AMPD2: variants seen among roughly 807,000 people sequenced by gnomAD.
AMPD2 encodes adenosine monophosphate deaminase 2, also known as AMP deaminase 2.
AMPD2 carries 52 observed loss-of-function variants against 91.3 expected under a neutral mutation model. The ratio of observed to expected loss-of-function variants is 0.57; its 90% CI spans 0.46 to 0.72. The LOEUF is 0.72. Ranked by LOEUF, AMPD2 falls within the 30% of genes least tolerant of loss-of-function variation. The pLI is 0.00. For missense variants in AMPD2, 822 were observed against 1,122.3 expected (o/e 0.73, Z 3.82); for synonymous variants, 455 against 456.4 (o/e 1.00, Z 0.04).
chr1:109,626,966 C>G lies in AMPD2; in HGVS notation c.718+54C>G, dbSNP rs552735017. ...ATGTGCCCTAGCCTCCTGGGCTTCT[C>G]AGCCTGGTGCCTGGGCACCTCTGCC... is the stretch of plus-strand genomic sequence containing the variant. On this transcript the variant is annotated intron_variant, in intron 7 of 18. Transcript: ENST00000528667. 7 of 1,572,682 alleles carry G rather than the reference C, an allele frequency of 4.5e-6. No homozygotes were observed. The African/African-American group carries it at 9.4e-5, about 21-fold the overall frequency.
In AMPD2 at chr1:109,624,151, C is replaced by T; in HGVS notation, c.92-1152C>T. 1 of 880,290 alleles carries T rather than the reference C, an allele frequency of 1.1e-6. No homozygotes were observed. The highest frequency in any genetic ancestry group is 1.4e-6 in the Non-Finnish European group (1 of 733,810). 54.5% of individuals were successfully genotyped at this position (880,290 alleles called of 1,614,324 possible). On this transcript the variant is annotated intron_variant, in intron 2 of 18. Transcript: ENST00000528667. The surrounding 1 kb of genome is among the most constrained non-coding windows in gnomAD (Gnocchi z 5.2). ...GGGGTCCTGGATCTGGGGCAGGCCC[C>T]TCCCTCTTCCCTTTGTCCAGCTTTG...
Position 109,625,962 on chromosome 1 carries a change from T to G in AMPD2, c.353+170T>G, listed in dbSNP as rs1650643624. On this transcript the variant is annotated intron_variant, in intron 4 of 18. Coordinates refer to ENST00000528667, the MANE Select transcript of AMPD2 (RefSeq NM_001368809.2). The surrounding 1 kb of genome is among the most constrained non-coding windows in gnomAD (Gnocchi z 4.0). ...TTCTGTTCTGTCTTCTAGCCGCCGG[T>G]GTGGCTGGGTCATGTTGCTTAACTT... 1 of 1,200,300 alleles carries G rather than the reference T, an allele frequency of 8.3e-7. No individual in the cohort carries two copies. Among genetic ancestry groups the G allele is most frequent in the Non-Finnish European group, 1.2e-6 (1 of 854,638 alleles). 74.4% of individuals were successfully genotyped at this position (1,200,300 alleles called of 1,614,324 possible).
chr1:109,630,982 G>A lies in AMPD2; in HGVS notation c.2308G>A (p.Gly770Ser), dbSNP rs1651206953. 5 of 1,614,182 alleles carry A rather than the reference G, an allele frequency of 3.1e-6. No homozygotes were observed. Among genetic ancestry groups the A allele is most frequent in the Non-Finnish European group, 4.2e-6 (5 of 1,180,036 alleles). The stretch of plus-strand genomic sequence containing the variant: ...GCTGGGACCCAACTATACCAAGGAA[G>A]GCCCTGAGGGGAATGACATCCGCCG... ...HWLGPNYTKE[G>S]PEGNDIRRTN... Residue 770 changes from glycine (G) to serine (S), a missense_variant, in exon 19 of 19, where the codon GGC becomes AGC. Around this residue, in one of 5 missense-constraint regions of AMPD2, gnomAD observed 430 missense variants for 606.0 expected, o/e 0.71. Coordinates refer to ENST00000528667, the MANE Select transcript of AMPD2 (RefSeq NM_001368809.2).
Position 109,630,244 on chromosome 1 carries a change from G to C in AMPD2, c.1995G>C (p.Leu665=). 6.2e-7 allele frequency: 1 copy of C among 1,612,924 alleles called. No homozygotes were observed. Among genetic ancestry groups the C allele is most frequent in the Non-Finnish European group, 8.5e-7 (1 of 1,180,014 alleles). ...HGLLLRKAPV[L]QYLYYLAQIG... is the part of the protein sequence containing the mutation. The stretch of plus-strand genomic sequence containing the variant: ...TGTTGCCTGCCCAGGCCCCCGTCCT[G>C]CAGTACCTGTACTACCTGGCCCAGA... Residue 665 remains leucine, a synonymous_variant, in exon 17 of 19, where the codon CTG becomes CTC. Transcript: ENST00000528667.
In AMPD2 at chr1:109,631,182, C is replaced by T. The variant is rs781690365; in HGVS notation, c.*30C>T. 2 of 1,550,372 alleles carry T rather than the reference C, an allele frequency of 1.3e-6. No individual in the cohort carries two copies. The highest frequency in any genetic ancestry group is 1.7e-6 in the Non-Finnish European group (2 of 1,144,056). The stretch of plus-strand genomic sequence containing the variant: ...GGTCCATGAAGTGCCCACCACATCG[C>T]AGCACTTTTACCACGTTTTGTCCTC... On this transcript the variant is annotated 3_prime_UTR_variant, in exon 19 of 19. Coordinates refer to ENST00000528667, the MANE Select transcript of AMPD2 (RefSeq NM_001368809.2).
rs1650661776 is a variant in AMPD2, at chr1:109,626,149, C to G, written c.354-11C>G. The G allele has an allele frequency of 5.6e-6, 9 of 1,614,128 alleles. No individual in the cohort carries two copies. Among genetic ancestry groups the G allele is most frequent in the Non-Finnish European group, 5.9e-6 (7 of 1,180,014 alleles). On this transcript the variant is annotated splice_polypyrimidine_tract_variant and intron_variant, in intron 4 of 18. Transcript: ENST00000528667. Reference sequence around the variant, plus strand: ...GGGATCTGCCTGACTTCTCACCCCTCTTGCCTCTAGGCTGGAGCCAGACAT... The same window carrying G: ...GGGATCTGCCTGACTTCTCACCCCTGTTGCCTCTAGGCTGGAGCCAGACAT...
At position 109,624,444 on chromosome 1, in the gene AMPD2, C is replaced by T. The variant is rs749884581; in HGVS notation, c.92-859C>T. 6.6e-6 allele frequency among the ~76,000 whole-genome samples: 1 copy of T among 152,224 alleles called. No homozygotes were observed. Among genetic ancestry groups the T allele is most frequent in the African/African-American group, 2.4e-5 (1 of 41,460 alleles). ...CACGGCCCTCTGGTGCCAGCCTCCT[C>T]GTGGTACAGATGGAAAGTCTAGTCT... is the stretch of plus-strand genomic sequence containing the variant. On this transcript the variant is annotated intron_variant, in intron 2 of 18. Transcript: ENST00000528667. This position sits in a 1 kb window ranked among gnomAD's most constrained non-coding sequence, Gnocchi z 5.2.
rs758959703 is a variant in AMPD2, at chr1:109,628,339, A to G, written c.1276-25A>G. The G allele has an allele frequency of 1.2e-6, 2 of 1,613,812 alleles. No homozygotes were observed. The highest frequency in any genetic ancestry group is 4.5e-5 in the East Asian group (2 of 44,878). On this transcript the variant is annotated intron_variant, in intron 11 of 18. Coordinates refer to ENST00000528667, the MANE Select transcript of AMPD2 (RefSeq NM_001368809.2). This position sits in a 1 kb window ranked among gnomAD's most constrained non-coding sequence, Gnocchi z 7.1. ...GTCAGGGGACCAGGAGTCACGGGTG[A>G]CCTGAGCCTTCCCATGTCCCCCAGG... is the stretch of plus-strand genomic sequence containing the variant.
At position 109,620,213 on chromosome 1, in the gene AMPD2, G is replaced by A. The variant is rs1252434266; in HGVS notation, c.-328G>A. ...ATCCCCCTGCCGTCCCTCAGGACCC[G>A]GGCTTTCTGCTGTACAGACTTCTCG... On this transcript the variant is annotated 5_prime_UTR_variant, in exon 1 of 19. Coordinates refer to ENST00000528667, the MANE Select transcript of AMPD2 (RefSeq NM_001368809.2). 1 of 1,613,752 alleles carries A rather than the reference G, an allele frequency of 6.2e-7. No homozygotes were observed. The highest frequency in any genetic ancestry group is 8.5e-7 in the Non-Finnish European group (1 of 1,179,704).
In AMPD2 at chr1:109,620,954, G is replaced by A. The variant is rs1650195615; in HGVS notation, c.-222G>A. ...GTCACGTCACTCCTGGGACTGAGGA[G>A]GCAGGGGAGGGATAAGGGGCAGAGA... is the stretch of plus-strand genomic sequence containing the variant. On this transcript the variant is annotated 5_prime_UTR_variant, in exon 2 of 19. Coordinates refer to ENST00000528667, the MANE Select transcript of AMPD2 (RefSeq NM_001368809.2). The A allele has an allele frequency of 1.3e-6, 2 of 1,525,806 alleles. No individual in the cohort carries two copies. Among genetic ancestry groups the A allele is most frequent in the Non-Finnish European group, 8.8e-7 (1 of 1,137,468 alleles). 94.5% of individuals were successfully genotyped at this position (1,525,806 alleles called of 1,614,324 possible).
rs1343619342 is a variant in AMPD2, at chr1:109,627,413, C to T, written c.861-16C>T. 4 of 1,613,966 alleles carry T rather than the reference C, an allele frequency of 2.5e-6. No individual in the cohort carries two copies. In the South Asian group the frequency reaches 4.4e-5, roughly 18 times the overall value. On this transcript the variant is annotated splice_polypyrimidine_tract_variant and intron_variant, in intron 8 of 18. Transcript: ENST00000528667. ...GCTCGGCTTGCTCTCCTCACCCAAG[C>T]TCCCCTCCATGCCAGTTGCTCAGAG...
intron 9 of AMPD2, 60 bp downstream of exon 9, chr1:109,627,578 A>C: frequency 6.3e-7 from 1 of 1,597,904 alleles, no homozygotes; most frequent in Non-Finnish European, 8.6e-7. Context: ...CTCCAGCCCC[A>C]GTTCTGCCCC....
In AMPD2 at chr1:109,624,016, C is replaced by T. The variant is rs563979320; in HGVS notation, c.92-1287C>T. 2.3e-5 allele frequency: 23 copies of T among 985,692 alleles called. No homozygotes were observed. The highest frequency in any genetic ancestry group is 9.4e-5 in the South Asian group (2 of 21,292). The allele number at this position is 985,692 out of a possible 1,614,324, so 61.1% of individuals were successfully genotyped here. A position where few individuals can be genotyped will look rare whatever the true frequency, so the allele number is the denominator to read the frequency against. On this transcript the variant is annotated intron_variant, in intron 2 of 18. Coordinates refer to ENST00000528667, the MANE Select transcript of AMPD2 (RefSeq NM_001368809.2). The surrounding 1 kb of genome is among the most constrained non-coding windows in gnomAD (Gnocchi z 5.2). ...CAGCCTGTGCCAGCCCCTGAGGGACCGGCTGCAGCTTCACTGGCAAACAGG... is the reference window on the plus strand; with the variant it reads ...CAGCCTGTGCCAGCCCCTGAGGGACTGGCTGCAGCTTCACTGGCAAACAGG...
At position 109,629,863 on chromosome 1, in the gene AMPD2, G is replaced by A; in HGVS notation, c.1930G>A (p.Val644Met). Residue 644 changes from valine to methionine, a missense_variant, in exon 16 of 19, where the codon GTG becomes ATG. Coordinates refer to ENST00000528667, the MANE Select transcript of AMPD2 (RefSeq NM_001368809.2). ...CGEAGPIHHLVSAFMLAENIS... is the reference protein window; with the variant it reads ...CGEAGPIHHLMSAFMLAENIS... ...GGAGGCTGGGCCCATCCACCACCTG[G>A]TGTCAGCCTTCATGCTGGCTGAGAA... 1 of 1,612,660 alleles carries A rather than the reference G, an allele frequency of 6.2e-7. No individual in the cohort carries two copies. The highest frequency in any genetic ancestry group is 8.5e-7 in the Non-Finnish European group (1 of 1,179,114).
chr1:109,626,109 C>T, intron 4 of AMPD2, 51 bp from the exon 5 acceptor site: 1 of 1,601,252 alleles, frequency 6.2e-7, no homozygotes, highest in Non-Finnish European at 8.6e-7. Flanking sequence ...GACCTGGGAG[C>T]AAGGGCCGTC....
chr1:109,621,119 C>T lies in AMPD2; in HGVS notation c.-57C>T. On this transcript the variant is annotated 5_prime_UTR_variant, in exon 2 of 19. Transcript: ENST00000528667. ...GAGGAAGGGGTTGGATGTGGCAGAG[C>T]CAGGCCCCAGCCGGTGCCGCTCAGA... 6 of 1,598,570 alleles carry T rather than the reference C, an allele frequency of 3.8e-6. No individual in the cohort carries two copies. Among genetic ancestry groups the T allele is most frequent in the Non-Finnish European group, 5.1e-6 (6 of 1,172,944 alleles).
rs1484656943 is a variant in AMPD2 at position 109,625,015 on chromosome 1, G to A, written c.92-288G>A. ...AGTCACGTGGAGATTCTCATGGCCT[G>A]AGGGATCAGGCTCTAGTCTCATTTG... On this transcript the variant is annotated intron_variant, in intron 2 of 18. Coordinates refer to ENST00000528667, the MANE Select transcript of AMPD2 (RefSeq NM_001368809.2). This position sits in a 1 kb window ranked among gnomAD's most constrained non-coding sequence, Gnocchi z 4.0. Among the ~76,000 whole-genome samples the A allele has an allele frequency of 6.6e-6, 1 of 152,154 alleles. No homozygotes were observed. Among genetic ancestry groups the A allele is most frequent in the Admixed American group, 6.5e-5 (1 of 15,292 alleles).
Position 109,629,065 on chromosome 1 carries a change from A to G in AMPD2, c.1572-44A>G, listed in dbSNP as rs183546449. ...TTGCTGGACCGCTGGGTTTCCTCCCACTGGCCCTGACTTGCACATACCTGC... is the reference window on the plus strand; with the variant it reads ...TTGCTGGACCGCTGGGTTTCCTCCCGCTGGCCCTGACTTGCACATACCTGC... On this transcript the variant is annotated intron_variant, in intron 13 of 18. Transcript: ENST00000528667. 3.5e-4 allele frequency: 566 copies of G among 1,604,024 alleles called. 10 individuals carry two copies. In the East Asian group the frequency reaches 0.011, roughly 32 times the overall value.
Position 109,621,262 on chromosome 1 carries a change from T to C in AMPD2, c.87T>C (p.Ala29=). The change falls in exon 2 of 19, where the codon GCT becomes GCC. Residue 29 remains alanine, a synonymous_variant. Coordinates refer to ENST00000528667, the MANE Select transcript of AMPD2 (RefSeq NM_001368809.2). The stretch of plus-strand genomic sequence containing the variant: ...CCAGCCTGCAGGCCTCCACTGCAGC[T>C]CCAGGTGAGTGTGTGCTTCCTGGCC... ...KRASLQASTA[A]PEARGGLGAP... 1 of 1,612,644 alleles carries C rather than the reference T, an allele frequency of 6.2e-7. No homozygotes were observed. Among genetic ancestry groups the C allele is most frequent in the Non-Finnish European group, 8.5e-7 (1 of 1,179,552 alleles).
Sources: allele counts gnomAD v4.1 joint callset (sites outside exome capture counted in the v4.1 genomes callset), GRCh38; gene constraint gnomAD v4.1.1; regional missense constraint gnomAD v4.1.1; non-coding constraint Gnocchi (gnomAD v3.1); transcripts MANE v1.5; gene names NCBI Gene and HGNC (gene_info 2026-07-23, HGNC 2026-07-21).